The following A4GNT variants were observed in gnomAD, a reference collection of about 807,000 sequenced individuals.
The protein encoded by A4GNT is alpha-1,4-N-acetylglucosaminyltransferase.
Under a neutral mutation model 8.3 loss-of-function variants are expected in A4GNT, and 6 were observed. The observed-to-expected ratio is 0.72, with a 90% confidence interval of 0.39 to 1.42. The LOEUF is 1.42. Ranked by LOEUF, A4GNT falls within the 40% of genes most tolerant of loss-of-function variation. A4GNT has a pLI of 0.02. For synonymous variants in A4GNT, 157 were observed against 159.8 expected (o/e 0.98, Z 0.13); for missense variants, 377 against 417.0 (o/e 0.90, Z 0.84).
rs1486527610 is a variant in A4GNT at position 138,126,375 on chromosome 3, TTTTG to T, written c.409-1501_409-1498del. 2.6e-5 allele frequency among the ~76,000 whole-genome samples: 4 copies of T among 151,482 alleles called. 1 individual carries two copies. The highest frequency in any genetic ancestry group is 4.9e-5 in the African/African-American group (2 of 41,202). ...CTGAAGAGAAATAGAAAGCAAAATG[TTTTG>T]TTTGTTTGTTTTTTAATTTTAAATA... On this transcript the variant is annotated intron_variant, in intron 2 of 2. Coordinates refer to ENST00000236709, the MANE Select transcript of A4GNT (RefSeq NM_016161.3).
At chr3:138,125,976 C>T (rs188403350) in intron 2 of A4GNT, among the ~76,000 whole-genome samples, 111 of 152,242 alleles carry the variant, frequency 7.3e-4, no homozygotes, top group African/African-American at 2.4e-3. Flanking sequence ...GGGGCCAAGA[C>T]TGAAGTTATT....
Position 138,124,252 on chromosome 3 carries a change from C to A in A4GNT, c.*12G>T. 6.2e-7 allele frequency: 1 copy of A among 1,604,872 alleles called. No individual in the cohort carries two copies. The highest frequency in any genetic ancestry group is 8.5e-7 in the Non-Finnish European group (1 of 1,174,188). On this transcript the variant is annotated 3_prime_UTR_variant, in exon 3 of 3. Coordinates refer to ENST00000236709, the MANE Select transcript of A4GNT (RefSeq NM_016161.3). ...ATTTCCACACTGCAGCAGCAGCAAA[C>A]GAGTGTTAGCTTTATTTGTTACCTG...
At chr3:138,126,313 C>T (rs1174951448) in intron 2 of A4GNT, among the ~76,000 whole-genome samples, 2 of 151,784 alleles carry the variant, frequency 1.3e-5, no homozygotes, top group African/African-American at 2.4e-5. Context: ...AATAAATCAG[C>T]ATAAATGTCA....
intron 2 of A4GNT, among the ~76,000 whole-genome samples, chr3:138,126,784 C>T (rs1358611960): frequency 6.7e-6 from 1 of 149,294 alleles, no homozygotes; most frequent in Non-Finnish European, 1.5e-5. Flanking sequence ...AAAGATTGTA[C>T]CATTGCACTC....
At chr3:138,133,102 T>C (rs1190845118), upstream of A4GNT, among the ~76,000 whole-genome samples, 3 of 152,208 alleles carry the variant, frequency 2.0e-5, no homozygotes, top group East Asian at 3.8e-4. Flanking sequence ...GTCTTGGCCA[T>C]GAGCAGGTAT....
intron 2 of A4GNT, 44 bp from the exon 3 acceptor site, chr3:138,124,922 AG>A (rs1263183066): frequency 7.0e-6 from 11 of 1,582,484 alleles, no homozygotes; most frequent in Middle Eastern, 2.3e-4. Flanking sequence ...CCAGGGGAAG[AG>A]GGAGGGGCAT....
chr3:138,132,799 CAA>C (rs1002265097), upstream of A4GNT, among the ~76,000 whole-genome samples: 1 of 152,100 alleles, frequency 6.6e-6, no homozygotes, highest in African/African-American at 2.4e-5. Flanking sequence ...CCCATCACCA[CAA>C]ATAAGCAATG....
In A4GNT at chr3:138,124,398, C is replaced by T. The variant is rs200109290; in HGVS notation, c.889G>A (p.Gly297Arg). 4.6e-5 allele frequency: 74 copies of T among 1,614,254 alleles called. No individual in the cohort carries two copies. In the Middle Eastern group the frequency reaches 4.9e-4, roughly 11 times the overall value. The part of the protein sequence containing the change: ...LHLWNHMNQE[G>R]RAVIRGSNTL... ...TTGCTTCCTCTAATCACAGCCCGCC[C>T]CTCCTGGTTCATGTGGTTCCACAAA... The change falls in exon 3 of 3, where the codon GGG (glycine) becomes AGG (arginine). Residue 297 changes from glycine (G) to arginine (R), a missense_variant. Coordinates refer to ENST00000236709, the MANE Select transcript of A4GNT (RefSeq NM_016161.3).
chr3:138,127,498 C>T (rs1020437051), intron 2 of A4GNT, among the ~76,000 whole-genome samples: 24 of 150,822 alleles, frequency 1.6e-4, no homozygotes, highest in Non-Finnish European at 2.9e-4. Flanking sequence ...CGCTTGAACC[C>T]GGGAAGCGGA....
intron 2 of A4GNT, among the ~76,000 whole-genome samples, chr3:138,129,895 G>T (rs1576523341): frequency 6.6e-6 from 1 of 152,164 alleles, no homozygotes; most frequent in Non-Finnish European, 1.5e-5. Context: ...CTCTGGAGTA[G>T]CTGAGACTAC....
chr3:138,128,351 A>G (rs1398854020), intron 2 of A4GNT, among the ~76,000 whole-genome samples: 1 of 152,182 alleles, frequency 6.6e-6, no homozygotes, highest in South Asian at 2.1e-4. Flanking sequence ...GCTTTACAGC[A>G]AGCAAAGCAA....
chr3:138,128,442 T>G (rs920451587), intron 2 of A4GNT, among the ~76,000 whole-genome samples: 2 of 150,778 alleles, frequency 1.3e-5, no homozygotes, highest in African/African-American at 4.9e-5. Flanking sequence ...GCGCATCACA[T>G]GGCGAGAGCA....
At chr3:138,129,692 T>C (rs183400354) in intron 2 of A4GNT, among the ~76,000 whole-genome samples, 49 of 152,318 alleles carry the variant, frequency 3.2e-4, no homozygotes, top group Admixed American at 3.1e-3. Flanking sequence ...CCGAAAATAT[T>C]TACTATCTGG....
At chr3:138,131,635 T>A (rs2042777556) in intron 1 of A4GNT, among the ~76,000 whole-genome samples, 1 of 152,184 alleles carries the variant, frequency 6.6e-6, no homozygotes, top group South Asian at 2.1e-4. Flanking sequence ...TCAGGATTTA[T>A]CTTAGATTTT....
rs1395101247 is a variant in A4GNT at position 138,124,396 on chromosome 3, C to A, written c.891G>T (p.Gly297=). The change falls in exon 3 of 3, where the codon GGG becomes GGT. Residue 297 remains glycine (G), a synonymous_variant. Coordinates refer to ENST00000236709, the MANE Select transcript of A4GNT (RefSeq NM_016161.3). ...LHLWNHMNQE[G]RAVIRGSNTL... ...TGTTGCTTCCTCTAATCACAGCCCG[C>A]CCCTCCTGGTTCATGTGGTTCCACA... 3 of 1,614,106 alleles carry A rather than the reference C, an allele frequency of 1.9e-6. No homozygotes were observed. Among genetic ancestry groups the A allele is most frequent in the African/African-American group, 2.7e-5 (2 of 74,940 alleles).
chr3:138,131,786 T>C (rs1463780702), intron 1 of A4GNT, among the ~76,000 whole-genome samples: 3 of 152,180 alleles, frequency 2.0e-5, no homozygotes, highest in Non-Finnish European at 4.4e-5. Context: ...TTAAGATCCA[T>C]TCACAATTTT....
In A4GNT at chr3:138,130,862, G is replaced by T. The variant is rs1024285322; in HGVS notation, c.395C>A (p.Ser132Ter). Residue 132 changes from serine to a stop codon, truncating the protein, a stop_gained, in exon 2 of 3, where the codon TCA becomes TAA. Transcript: ENST00000236709. LOFTEE classifies it low-confidence loss of function (END_TRUNC). ...KRLLEDTPLF[S>*]WYNQINASAE... ...CTAAACACTTACTTGATTGTACCAT[G>T]AAAACAATGGTGTGTCTTCAAGCAG... The T allele has an allele frequency of 1.9e-6, 3 of 1,613,762 alleles. No individual in the cohort carries two copies. The highest frequency in any genetic ancestry group is 2.5e-6 in the Non-Finnish European group (3 of 1,179,916).
chr3:138,125,258 G>A (rs2042738805), intron 2 of A4GNT, among the ~76,000 whole-genome samples: 2 of 151,972 alleles, frequency 1.3e-5, no homozygotes, highest in Admixed American at 6.6e-5. Flanking sequence ...TGTAGAGGAA[G>A]AACCAAATAA....
chr3:138,128,983 G>A (rs1380517702), intron 2 of A4GNT, among the ~76,000 whole-genome samples: 1 of 152,018 alleles, frequency 6.6e-6, no homozygotes, highest in East Asian at 1.9e-4. Flanking sequence ...AAGTCACTGG[G>A]GCCAAGAATA....
Sources: allele counts gnomAD v4.1 joint callset (sites outside exome capture counted in the v4.1 genomes callset), GRCh38; gene constraint gnomAD v4.1.1; transcripts MANE v1.5; gene names NCBI Gene and HGNC (gene_info 2026-07-23, HGNC 2026-07-21).